CCDC38: variants seen among roughly 807,000 people sequenced by gnomAD.
CCDC38 encodes coiled-coil domain containing 38, also known as coiled-coil domain-containing protein 38.
A neutral mutation model predicts 72.8 loss-of-function variants in CCDC38; 69 were observed. The observed-to-expected ratio is 0.95, with a 90% CI of 0.78 to 1.16. The LOEUF is 1.16. CCDC38 is among the 50% of genes most tolerant of loss of function. The probability of loss-of-function intolerance (pLI) is 0.00; values close to 1 mark genes in which losing one functional copy is unlikely to be tolerated. For missense variants in CCDC38, 626 were observed against 638.9 expected (o/e 0.98, Z 0.22); for synonymous variants, 201 against 213.2 (o/e 0.94, Z 0.50).
chr12:95,928,768 T>A (rs1463254825), intron 2 of CCDC38, among the ~76,000 whole-genome samples: 5 of 152,214 alleles, frequency 3.3e-5, no homozygotes, highest in Non-Finnish European at 5.9e-5. Context: ...GACAGGACCC[T>A]CAGCTGCAGG....
At chr12:95,921,357 T>C (rs2080206006) in intron 2 of CCDC38, among the ~76,000 whole-genome samples, 1 of 152,102 alleles carries the variant, frequency 6.6e-6, no homozygotes, top group Non-Finnish European at 1.5e-5. Context: ...ATAAAGAACT[T>C]CTCTGAGACT....
Position 95,869,470 on chromosome 12 carries a change from C to T in CCDC38, c.1578+10G>A. On this transcript the variant is annotated intron_variant, in intron 15 of 15. Coordinates refer to ENST00000344280, the MANE Select transcript of CCDC38 (RefSeq NM_182496.3). Reference sequence around the variant, plus strand: ...TTGATATGGCTGGATCTATTAATAGCAAAACAAACCTTTTTCTTTGGTTGT... The same window carrying T: ...TTGATATGGCTGGATCTATTAATAGTAAAACAAACCTTTTTCTTTGGTTGT... 6.2e-7 allele frequency: 1 copy of T among 1,607,532 alleles called. No homozygotes were observed. Among genetic ancestry groups the T allele is most frequent in the Non-Finnish European group, 8.5e-7 (1 of 1,175,730 alleles).
chr12:95,929,570 AGT>A (rs1404247307), intron 2 of CCDC38, among the ~76,000 whole-genome samples: 1 of 152,152 alleles, frequency 6.6e-6, no homozygotes, highest in Admixed American at 6.5e-5. Context: ...CTCCCCTGCA[AGT>A]GTCTTAAAAT....
intron 2 of CCDC38, 102 bp downstream of exon 2, chr12:95,936,371 A>T: frequency 9.7e-7 from 1 of 1,035,028 alleles, no homozygotes; most frequent in Non-Finnish European, 1.4e-6. Flanking sequence ...ATTACATTTT[A>T]TATTTATGGT....
At position 95,879,678 on chromosome 12, in the gene CCDC38, C is replaced by T; in HGVS notation, c.1108G>A (p.Val370Ile). The stretch of plus-strand genomic sequence containing the variant: ...TGTATAACTTTTTCTCTTTTGTTTA[C>T]CTCTTCAAGATTTTCATCTACATCT... ...SQDVDENLEE[V>I]NKREKVIQDK... Residue 370 changes from valine to isoleucine, a missense_variant, in exon 12 of 16, where the codon GTA (valine) becomes ATA (isoleucine). Physicochemically the swap from Val to Ile is conservative, Grantham distance 29. Coordinates refer to ENST00000344280, the MANE Select transcript of CCDC38 (RefSeq NM_182496.3). The surrounding 1 kb of genome is among the most constrained non-coding windows in gnomAD (Gnocchi z 5.5). 1 of 1,601,636 alleles carries T rather than the reference C, an allele frequency of 6.2e-7. No individual in the cohort carries two copies. The highest frequency in any genetic ancestry group is 8.5e-7 in the Non-Finnish European group (1 of 1,169,902).
At chr12:95,924,055 C>G (rs1254418783) in intron 2 of CCDC38, among the ~76,000 whole-genome samples, 4 of 98,322 alleles carry the variant, frequency 4.1e-5, no homozygotes, top group East Asian at 3.3e-4. Context: ...TGGGTATATA[C>G]CCAGTAATGG....
intron 2 of CCDC38, among the ~76,000 whole-genome samples, chr12:95,925,326 A>G (rs1406364845): frequency 2.0e-5 from 3 of 152,110 alleles, no homozygotes; most frequent in Non-Finnish European, 4.4e-5. Flanking sequence ...TTCACTCCTG[A>G]TTTGGTCCTC....
rs540674633 is a variant in CCDC38 at position 95,870,350 on chromosome 12, TATC to T, written c.1485-780_1485-778del. Among the ~76,000 whole-genome samples, 86 of 152,326 alleles carry T rather than the reference TATC, an allele frequency of 5.6e-4. 1 individual carries two copies. Among genetic ancestry groups the T allele is most frequent in the Admixed American group, 1.5e-3 (23 of 15,300 alleles). ...GAAAAATTAAGTAATCTGTGCAACT[TATC>T]AAGTACAAGGTGGTGAGCAATAGGC... On this transcript the variant is annotated intron_variant, in intron 14 of 15. Transcript: ENST00000344280.
In CCDC38 at chr12:95,936,465, C is replaced by A; in HGVS notation, c.37+8G>T. 1 of 1,612,508 alleles carries A rather than the reference C, an allele frequency of 6.2e-7. No homozygotes were observed. Among genetic ancestry groups the A allele is most frequent in the South Asian group, 1.1e-5 (1 of 90,808 alleles). On this transcript the variant is annotated splice_region_variant and intron_variant, in intron 2 of 15. Coordinates refer to ENST00000344280, the MANE Select transcript of CCDC38 (RefSeq NM_182496.3). ...CAAACAAGAATATATTGATTGATTT[C>A]TTTTTACCTCCAGAATTCAGTGTTG...
At chr12:95,895,998 G>A (rs2079883829) in intron 7 of CCDC38, among the ~76,000 whole-genome samples, 2 of 148,020 alleles carry the variant, frequency 1.4e-5, no homozygotes, top group South Asian at 2.1e-4. Flanking sequence ...AGAGGTTGCA[G>A]TGAGCTGAGA....
chr12:95,870,037 C>T (rs549988775), intron 14 of CCDC38, among the ~76,000 whole-genome samples: 15 of 152,120 alleles, frequency 9.9e-5, no homozygotes, highest in Admixed American at 2.6e-4. Flanking sequence ...TTTCCCAGGC[C>T]GGTCTCGAAC....
chr12:95,870,967 A>C (rs1287670097), intron 14 of CCDC38, among the ~76,000 whole-genome samples: 2 of 152,256 alleles, frequency 1.3e-5, no homozygotes, highest in African/African-American at 4.8e-5. Context: ...ACGGATAAAG[A>C]AACCGACTAG....
chr12:95,928,570 T>C (rs10745737), intron 2 of CCDC38, among the ~76,000 whole-genome samples: 102,657 of 152,052 alleles, frequency 0.68, 35,520 homozygotes, highest in East Asian at 0.94. Flanking sequence ...AGCTTTGTTC[T>C]GTTGCTGGTG....
At chr12:95,906,874 G>C (rs527574027) in intron 4 of CCDC38, among the ~76,000 whole-genome samples, 1 of 149,818 alleles carries the variant, frequency 6.7e-6, no homozygotes, top group Admixed American at 6.7e-5. Context: ...CTCGCAGAGG[G>C]GGATTTGGCA....
At chr12:95,916,011 C>T (rs2080140037) in intron 4 of CCDC38, among the ~76,000 whole-genome samples, 1 of 152,122 alleles carries the variant, frequency 6.6e-6, no homozygotes, top group Non-Finnish European at 1.5e-5. Context: ...TATTTTAAAC[C>T]AGCCACTTGG....
intron 4 of CCDC38, among the ~76,000 whole-genome samples, chr12:95,908,636 AGGAGAGGGAGAGGGAGAGGGAGGAGAG>A (rs2080052650): frequency 8.6e-3 from 7 of 818 alleles, no homozygotes; most frequent in East Asian, 0.14. Context: ...AGGGAGAGGG[AGGAGAGGGAGAGGGAGAGGGAGGAGAG>A]GGAGAGGGAG....
chr12:95,936,470 T>C lies in CCDC38; in HGVS notation c.37+3A>G. On this transcript the variant is annotated splice_donor_region_variant and intron_variant, in intron 2 of 15. Transcript: ENST00000344280. ...AAGAATATATTGATTGATTTCTTTT[T>C]ACCTCCAGAATTCAGTGTTGGCAAT... is the stretch of plus-strand genomic sequence containing the variant. 1 of 1,612,946 alleles carries C rather than the reference T, an allele frequency of 6.2e-7. No homozygotes were observed. The highest frequency in any genetic ancestry group is 1.1e-5 in the South Asian group (1 of 90,874).
intron 5 of CCDC38, among the ~76,000 whole-genome samples, chr12:95,906,036 C>A (rs2079997175): frequency 6.6e-6 from 1 of 152,166 alleles, no homozygotes; most frequent in Non-Finnish European, 1.5e-5. Flanking sequence ...TTAAATAGGG[C>A]ATCTCAGGCA....
chr12:95,907,601 C>T (rs1398706665), intron 4 of CCDC38, among the ~76,000 whole-genome samples: 22 of 138,036 alleles, frequency 1.6e-4, no homozygotes, highest in Non-Finnish European at 2.2e-4. Context: ...ACCTCCCTCC[C>T]GGACGGGTGG....
Sources: allele counts gnomAD v4.1 joint callset (sites outside exome capture counted in the v4.1 genomes callset), GRCh38; gene constraint gnomAD v4.1.1; non-coding constraint Gnocchi (gnomAD v3.1); transcripts MANE v1.5; gene names NCBI Gene and HGNC (gene_info 2026-07-23, HGNC 2026-07-21).